Variants in DCDC2C observed in about 807,000 individuals in gnomAD.
DCDC2C encodes the protein doublecortin domain containing 2C.
Under a neutral mutation model 45.0 loss-of-function variants are expected in DCDC2C, and 44 were observed. The ratio of observed to expected loss-of-function variants is 0.98; its 90% confidence interval spans 0.77 to 1.26. The LOEUF (loss-of-function observed/expected upper bound fraction) is 1.26, where lower values mean the gene tolerates loss of function less well. DCDC2C is among the 50% of genes most tolerant of loss of function. The pLI is 0.00. For missense variants in DCDC2C, 447 were observed against 468.9 expected (o/e 0.95, Z 0.43); for synonymous variants, 187 against 178.8 (o/e 1.05, Z -0.37).
intron 8 of DCDC2C, among the ~76,000 whole-genome samples, chr2:3,771,875 T>C (rs572934730): frequency 7.2e-5 from 11 of 152,228 alleles, no homozygotes; most frequent in Non-Finnish European, 1.5e-4. Context: ...AAGGTGCGTA[T>C]ATCCGTGTCG....
At chr2:3,716,630 A>G (rs1216172986) in intron 2 of DCDC2C, among the ~76,000 whole-genome samples, 3 of 152,226 alleles carry the variant, frequency 2.0e-5, no homozygotes, top group Non-Finnish European at 4.4e-5. Flanking sequence ...CATGTACGTG[A>G]TGATGGGAGT....
At chr2:3,814,559 T>C (rs1182219999) in intron 10 of DCDC2C, among the ~76,000 whole-genome samples, 2 of 152,240 alleles carry the variant, frequency 1.3e-5, no homozygotes, top group Non-Finnish European at 2.9e-5. Flanking sequence ...TTCTGTGCCC[T>C]TGATGGAGAG....
intron 3 of DCDC2C, among the ~76,000 whole-genome samples, chr2:3,738,540 G>GAAAAAAA (rs60799536): frequency 2.8e-5 from 2 of 71,978 alleles, no homozygotes; most frequent in African/African-American, 5.5e-5. Context: ...GTCTATCTGG[G>GAAAAAAA]AAAAAAAAAA....
intron 2 of DCDC2C, chr2:3,725,986 A>G (rs986380155): frequency 7.8e-5 from 12 of 154,412 alleles, no homozygotes; most frequent in Non-Finnish European, 1.5e-4. Flanking sequence ...ACAGAGCGGG[A>G]CCCTGGCGAG....
chr2:3,711,911 G>A (rs932909652), intron 2 of DCDC2C, among the ~76,000 whole-genome samples: 12 of 152,354 alleles, frequency 7.9e-5, no homozygotes, highest in Admixed American at 4.6e-4. Context: ...GGGTCGTGGG[G>A]ATGGAGCAGT....
chr2:3,762,842 G>A (rs186925520), intron 6 of DCDC2C, among the ~76,000 whole-genome samples: 2 of 152,308 alleles, frequency 1.3e-5, no homozygotes, highest in Admixed American at 1.3e-4. Flanking sequence ...GAGTTCTCCA[G>A]GTGGCTGAGA....
At chr2:3,828,400 A>G (rs529891941) in intron 10 of DCDC2C, among the ~76,000 whole-genome samples, 2 of 152,308 alleles carry the variant, frequency 1.3e-5, no homozygotes, top group East Asian at 3.9e-4. Context: ...TTGCCTCATC[A>G]TGTCAGCTCT....
intron 10 of DCDC2C, among the ~76,000 whole-genome samples, chr2:3,819,715 T>G (rs1312451891): frequency 1.3e-5 from 2 of 152,110 alleles, no homozygotes; most frequent in Non-Finnish European, 2.9e-5. Flanking sequence ...TTATATTTGA[T>G]GAAAAAGAGT....
At chr2:3,830,725 C>G (rs964016881) in intron 10 of DCDC2C, among the ~76,000 whole-genome samples, 4 of 152,130 alleles carry the variant, frequency 2.6e-5, no homozygotes, top group African/African-American at 9.7e-5. Context: ...TGGGATTGAC[C>G]TTGACTCACG....
At chr2:3,843,572 T>C (rs1672263452) in intron 10 of DCDC2C, among the ~76,000 whole-genome samples, 1 of 152,178 alleles carries the variant, frequency 6.6e-6, no homozygotes, top group African/African-American at 2.4e-5. Flanking sequence ...CATCAGGAAA[T>C]GTAGTTTGGC....
chr2:3,751,461 G>A (rs1019515007), intron 4 of DCDC2C, among the ~76,000 whole-genome samples: 1 of 152,174 alleles, frequency 6.6e-6, no homozygotes, highest in African/African-American at 2.4e-5. Flanking sequence ...CTGTCTTGAC[G>A]CCTCCAGGGT....
At chr2:3,823,728 T>C (rs1558243524) in intron 10 of DCDC2C, among the ~76,000 whole-genome samples, 1 of 152,240 alleles carries the variant, frequency 6.6e-6, no homozygotes, top group Non-Finnish European at 1.5e-5. Flanking sequence ...CCCATTGACT[T>C]CTGATTTCCA....
chr2:3,777,009 C>T (rs1466409160), intron 8 of DCDC2C, among the ~76,000 whole-genome samples: 1 of 152,126 alleles, frequency 6.6e-6, no homozygotes, highest in African/African-American at 2.4e-5. Flanking sequence ...CCCCTCTCTG[C>T]CTGTGTTACC....
At chr2:3,816,590 G>A (rs879900054) in intron 10 of DCDC2C, among the ~76,000 whole-genome samples, 19 of 152,228 alleles carry the variant, frequency 1.2e-4, no homozygotes, top group Non-Finnish European at 2.1e-4. Flanking sequence ...GAGAGGTACA[G>A]GGTGGCATAA....
rs954053112 is a variant in DCDC2C at position 3,703,618 on chromosome 2, C to G, written c.-134C>G. The G allele has an allele frequency of 1.1e-6, 1 of 882,416 alleles. No individual in the cohort carries two copies. Among genetic ancestry groups the G allele is most frequent in the Non-Finnish European group, 1.5e-6 (1 of 680,436 alleles). The allele number at this position is 882,416 out of a possible 1,614,324, so 54.7% of individuals were successfully genotyped here. A position where few individuals can be genotyped will look rare whatever the true frequency, so the allele number is the denominator to read the frequency against. On this transcript the variant is annotated 5_prime_UTR_variant, in exon 1 of 11. Transcript: ENST00000399143. This position sits in a 1 kb window ranked among gnomAD's most constrained non-coding sequence, Gnocchi z 4.4. ...TCCAGCCCCCGTCCCGTCCCCGTCC[C>G]GTCCCCGTCCTGCGCCAGCGGCTGG...
At chr2:3,786,462 C>T (rs1670656526) in intron 10 of DCDC2C, among the ~76,000 whole-genome samples, 1 of 328 alleles carries the variant, frequency 3.0e-3, no homozygotes, top group Admixed American at 0.023. Context: ...GGGTGTGTCC[C>T]GCCTGTGCAC....
At chr2:3,765,248 A>T (rs1005956599) in intron 6 of DCDC2C, among the ~76,000 whole-genome samples, 3 of 152,214 alleles carry the variant, frequency 2.0e-5, no homozygotes, top group Admixed American at 2.0e-4. Context: ...AAATCAGCAG[A>T]GATTTACTGA....
chr2:3,830,584 C>T (rs1467556008), intron 10 of DCDC2C, among the ~76,000 whole-genome samples: 3 of 152,220 alleles, frequency 2.0e-5, no homozygotes, highest in Admixed American at 6.5e-5. Flanking sequence ...AGCCCTTCCT[C>T]TTGTCTTCTT....
chr2:3,766,337 G>A (rs1670013255), intron 6 of DCDC2C, among the ~76,000 whole-genome samples: 1 of 150,562 alleles, frequency 6.6e-6, no homozygotes, highest in East Asian at 1.9e-4. Context: ...CACACACGGT[G>A]TCTTTATCTT....
Sources: allele counts gnomAD v4.1 joint callset (sites outside exome capture counted in the v4.1 genomes callset), GRCh38; gene constraint gnomAD v4.1.1; non-coding constraint Gnocchi (gnomAD v3.1); transcripts MANE v1.5; gene names NCBI Gene and HGNC (gene_info 2026-07-23, HGNC 2026-07-21).